Variants in BTBD2 observed in about 807,000 individuals in gnomAD.
BTBD2 encodes the protein BTB/POZ domain-containing protein 2.
In BTBD2, 15 loss-of-function variants were observed where a neutral mutation model predicts 44.0. That is an observed-to-expected ratio of 0.34 (90% confidence interval 0.23 to 0.53). The LOEUF (loss-of-function observed/expected upper bound fraction) is 0.53. Among genes scored for constraint, BTBD2 ranks in the 20% least tolerant of loss-of-function variants. BTBD2 has a pLI of 0.95. For missense variants in BTBD2, 657 were observed against 746.4 expected (o/e 0.88, Z 1.39); for synonymous variants, 443 against 335.9 (o/e 1.32, Z -3.49).
In BTBD2 at chr19:1,989,450, C is replaced by T. The variant is rs1378609545; in HGVS notation, c.988+554G>A. ...CGTGGACCTGGGGAAGGCCAGACGG[C>T]GAGTGTGCACCAGCCCCAGGGCTCT... On this transcript the variant is annotated intron_variant, in intron 5 of 8. Coordinates refer to ENST00000255608, the MANE Select transcript of BTBD2 (RefSeq NM_017797.4). 9 of 158,436 alleles carry T rather than the reference C, an allele frequency of 5.7e-5. No homozygotes were observed. The East Asian group carries it at 7.6e-4, about 13-fold the overall frequency. The allele number at this position is 158,436 out of a possible 1,614,324, so 9.8% of individuals were successfully genotyped here.
At chr19:2,012,940 C>A (rs1289733962) in intron 1 of BTBD2, among the ~76,000 whole-genome samples, 1 of 152,138 alleles carries the variant, frequency 6.6e-6, no homozygotes, top group Non-Finnish European at 1.5e-5. Flanking sequence ...TCCAACCTAC[C>A]CCCTCCCCAA....
At chr19:1,996,567 GAAAGA>G (rs776053913) in intron 2 of BTBD2, among the ~76,000 whole-genome samples, 1 of 142,602 alleles carries the variant, frequency 7.0e-6, no homozygotes. Context: ...AAAAAAGAAG[GAAAGA>G]AAAGAAAAGA....
At position 1,990,068 on chromosome 19, in the gene BTBD2, C is replaced by G. The variant is rs368537033; in HGVS notation, c.924G>C (p.Lys308Asn). 6.5e-5 allele frequency: 105 copies of G among 1,613,264 alleles called. No homozygotes were observed. The highest frequency in any genetic ancestry group is 8.6e-5 in the Non-Finnish European group (102 of 1,180,050). The part of the protein sequence containing the change: ...QLQVTPENRR[K>N]VLGKALGLIR... ...TGAGGCCCAGGGCCTTGCCCAGAAC[C>G]TTCCGCCTGTTCTCTGGCGTCACCT... is the stretch of plus-strand genomic sequence containing the variant. Residue 308 changes from lysine to asparagine, a missense_variant, in exon 5 of 9, where the codon AAG (lysine) becomes AAC (asparagine). Transcript: ENST00000255608.
At chr19:2,002,401 T>C (rs980479634) in intron 1 of BTBD2, among the ~76,000 whole-genome samples, 4 of 152,224 alleles carry the variant, frequency 2.6e-5, no homozygotes, top group African/African-American at 4.8e-5. Flanking sequence ...TAAGCTGTTA[T>C]GGCTAATTAT....
intron 3 of BTBD2, chr19:1,991,099 G>A (rs1599349265): frequency 8.1e-6 from 3 of 371,220 alleles, no homozygotes; most frequent in Non-Finnish European, 1.5e-5. Context: ...TGTCGGCAGG[G>A]CCTGCTGCTT....
intron 2 of BTBD2, among the ~76,000 whole-genome samples, chr19:1,996,759 C>T (rs569053376): frequency 6.6e-6 from 1 of 152,136 alleles, no homozygotes; most frequent in South Asian, 2.1e-4. Flanking sequence ...GTGGTGAACA[C>T]CTGTAATCCC....
At chr19:1,989,649 C>G (rs1011457348) in intron 5 of BTBD2, 9 of 327,362 alleles carry the variant, frequency 2.7e-5, no homozygotes, top group Admixed American at 1.4e-4. Context: ...ATGACAGCCA[C>G]CCCGGCCATG....
rs1028620924 is a variant in BTBD2, at chr19:1,986,891, A to G, written c.1355T>C (p.Met452Thr). 2 of 1,613,140 alleles carry G rather than the reference A, an allele frequency of 1.2e-6. No individual in the cohort carries two copies. The highest frequency in any genetic ancestry group is 8.5e-7 in the Non-Finnish European group (1 of 1,179,788). The change falls in exon 8 of 9, where the codon ATG becomes ACG. Residue 452 changes from methionine (M) to threonine (T), a missense_variant. By Grantham distance (81) the Met-to-Thr change is moderately conservative. Coordinates refer to ENST00000255608, the MANE Select transcript of BTBD2 (RefSeq NM_017797.4). Reference sequence around the variant, plus strand: ...CAGCACCTCCACCGGCTCCTTGAACATGACGCGGAAGGTGCTGGCTGAGCC... The same window carrying G: ...CAGCACCTCCACCGGCTCCTTGAACGTGACGCGGAAGGTGCTGGCTGAGCC... Reference protein sequence around the residue: ...CDGSASTFRVMFKEPVEVLPN... With the variant: ...CDGSASTFRVTFKEPVEVLPN...
At chr19:2,011,820 C>T (rs1350479069) in intron 1 of BTBD2, among the ~76,000 whole-genome samples, 1 of 152,102 alleles carries the variant, frequency 6.6e-6, no homozygotes, top group Non-Finnish European at 1.5e-5. Flanking sequence ...GCCACCTCCA[C>T]TGTGTGAACA....
At chr19:1,998,726 C>A (rs2016284826) in intron 1 of BTBD2, among the ~76,000 whole-genome samples, 1 of 152,128 alleles carries the variant, frequency 6.6e-6, no homozygotes, top group African/African-American at 2.4e-5. Context: ...CCAGGGCCTG[C>A]CCACACGATG....
intron 1 of BTBD2, among the ~76,000 whole-genome samples, chr19:1,997,682 C>A (rs538650160): frequency 6.6e-6 from 1 of 152,350 alleles, no homozygotes; most frequent in South Asian, 2.1e-4. Flanking sequence ...AGGGCTAGGA[C>A]CATGCCCTGG....
chr19:2,015,380 G>A lies in BTBD2; in HGVS notation c.324C>T (p.Ala108=). ...ACAGCACCTCGTTGTTGAAGAGGAA[G>A]GCGAAGCGCTCCTGCACGGTGGGCT... The part of the protein sequence containing the change: ...ASKPTVQERF[A]FLFNNEVLCD... The change falls in exon 1 of 9, where the codon GCC becomes GCT. Residue 108 remains alanine, a synonymous_variant. Coordinates refer to ENST00000255608, the MANE Select transcript of BTBD2 (RefSeq NM_017797.4). The A allele has an allele frequency of 1.9e-6, 3 of 1,583,898 alleles. No individual in the cohort carries two copies. The South Asian group carries it at 3.4e-5, about 18-fold the overall frequency.
chr19:1,987,181 G>T lies in BTBD2; in HGVS notation c.1254C>A (p.Tyr418Ter). Residue 418 changes from tyrosine to a stop codon, truncating the protein, a stop_gained, in exon 7 of 9, where the codon TAC (tyrosine) becomes TAA (stop). Coordinates refer to ENST00000255608, the MANE Select transcript of BTBD2 (RefSeq NM_017797.4). LOFTEE classifies it high-confidence loss of function. Reference protein sequence around the residue: ...LYGSIHGPTDYQVNIQIIHTD... With the variant: ...LYGSIHGPTD ...GGGCTGGTACCTGGATGTTCACTTG[G>T]TAGTCGGTGGGCCCGTGGATGGATC... 6.2e-7 allele frequency: 1 copy of T among 1,613,800 alleles called. No individual in the cohort carries two copies. The highest frequency in any genetic ancestry group is 8.5e-7 in the Non-Finnish European group (1 of 1,179,804).
intron 3 of BTBD2, 87 bp downstream of exon 3, chr19:1,992,933 C>CA: frequency 1.2e-6 from 1 of 840,838 alleles, no homozygotes; most frequent in Non-Finnish European, 1.6e-6. Flanking sequence ...CCGGCCCCGC[C>CA]TCCGCCTCCA....
chr19:2,008,685 A>G (rs2016425902), intron 1 of BTBD2, among the ~76,000 whole-genome samples: 1 of 146,184 alleles, frequency 6.8e-6, no homozygotes, highest in Non-Finnish European at 1.5e-5. Flanking sequence ...GCAACCTCCC[A>G]GGCTCAGGTG....
chr19:2,010,643 CTTT>C (rs538078810), intron 1 of BTBD2, among the ~76,000 whole-genome samples: 12 of 145,420 alleles, frequency 8.3e-5, no homozygotes, highest in Non-Finnish European at 1.8e-4. Flanking sequence ...ATCCCCCCAC[CTTT>C]TTTTTTTTTT....
chr19:2,010,134 A>G (rs2016445918), intron 1 of BTBD2, among the ~76,000 whole-genome samples: 1 of 152,254 alleles, frequency 6.6e-6, no homozygotes, highest in Admixed American at 6.5e-5. Flanking sequence ...CCTGGGCAAC[A>G]GAGCGAGACT....
At chr19:2,013,587 G>A in intron 1 of BTBD2, 1 of 988,216 alleles carries the variant, frequency 1.0e-6, no homozygotes, top group Non-Finnish European at 1.2e-6. Context: ...CAGTGGCGGA[G>A]CTGGAGGTGG....
At chr19:2,000,121 C>T (rs950467220) in intron 1 of BTBD2, among the ~76,000 whole-genome samples, 3 of 152,180 alleles carry the variant, frequency 2.0e-5, no homozygotes, top group South Asian at 2.1e-4. Flanking sequence ...CCAGAGGGAG[C>T]GCCGCCCTCG....
Sources: allele counts gnomAD v4.1 joint callset (sites outside exome capture counted in the v4.1 genomes callset), GRCh38; gene constraint gnomAD v4.1.1; transcripts MANE v1.5; gene names NCBI Gene and HGNC (gene_info 2026-07-23, HGNC 2026-07-21).